The following LHFPL4 variants were observed in gnomAD, a reference collection of about 807,000 sequenced individuals.
LHFPL4 encodes the protein LHFPL tetraspan subfamily member 4.
In LHFPL4, 6 loss-of-function variants were observed where a neutral mutation model predicts 20.0. The observed-to-expected ratio is 0.30, with a 90% CI of 0.16 to 0.59. The LOEUF is 0.59. LHFPL4 is among the 20% of genes least tolerant of loss of function. LHFPL4 has a pLI of 0.88. For missense variants in LHFPL4, 215 were observed against 331.2 expected (o/e 0.65, Z 2.72); for synonymous variants, 129 against 143.8 (o/e 0.90, Z 0.74).
chr3:9,521,779 T>A (rs193018646), intron 2 of LHFPL4, among the ~76,000 whole-genome samples: 1 of 152,154 alleles, frequency 6.6e-6, no homozygotes, highest in Non-Finnish European at 1.5e-5. Flanking sequence ...TGTGTCTTTA[T>A]ATTTAAGTGG....
intron 2 of LHFPL4, among the ~76,000 whole-genome samples, chr3:9,508,418 G>T (rs2046234567): frequency 6.6e-6 from 1 of 152,222 alleles, no homozygotes; most frequent in South Asian, 2.1e-4. Flanking sequence ...TGGGAAAAGA[G>T]TTGCAGCCAA....
chr3:9,536,103 G>T (rs1036809028), intron 2 of LHFPL4, among the ~76,000 whole-genome samples: 2 of 152,170 alleles, frequency 1.3e-5, no homozygotes, highest in African/African-American at 2.4e-5. Flanking sequence ...GGCCAGGGGG[G>T]CCACAGCTTT....
chr3:9,538,995 T>A (rs2936482), intron 2 of LHFPL4, among the ~76,000 whole-genome samples: 4 of 152,020 alleles, frequency 2.6e-5, no homozygotes, highest in African/African-American at 9.7e-5. Flanking sequence ...CCACCACACC[T>A]GGCCCAAATT....
At chr3:9,528,858 G>C (rs1296192400) in intron 2 of LHFPL4, among the ~76,000 whole-genome samples, 1 of 151,144 alleles carries the variant, frequency 6.6e-6, no homozygotes, top group African/African-American at 2.4e-5. Context: ...CAGGTGATCT[G>C]CTCACCTTGA....
chr3:9,523,238 C>T (rs569367525), intron 2 of LHFPL4, among the ~76,000 whole-genome samples: 10 of 146,606 alleles, frequency 6.8e-5, no homozygotes, highest in South Asian at 6.6e-4. Flanking sequence ...AAAAATTAGC[C>T]GGGCGTGGTG....
chr3:9,514,764 T>C (rs2046287098), intron 2 of LHFPL4, among the ~76,000 whole-genome samples: 1 of 152,238 alleles, frequency 6.6e-6, no homozygotes, highest in African/African-American at 2.4e-5. Flanking sequence ...ATACTGTATG[T>C]AGCCTTTTCA....
chr3:9,520,424 G>A (rs898460563), intron 2 of LHFPL4, among the ~76,000 whole-genome samples: 1 of 152,158 alleles, frequency 6.6e-6, no homozygotes, highest in South Asian at 2.1e-4. Flanking sequence ...TGCAATCTCG[G>A]CTCACTACAA....
chr3:9,538,993 C>T (rs1008349551), intron 2 of LHFPL4, among the ~76,000 whole-genome samples: 5 of 152,126 alleles, frequency 3.3e-5, no homozygotes, highest in African/African-American at 7.2e-5. Flanking sequence ...AGCCACCACA[C>T]CTGGCCCAAA....
At chr3:9,529,321 C>A (rs533538119) in intron 2 of LHFPL4, among the ~76,000 whole-genome samples, 1 of 152,290 alleles carries the variant, frequency 6.6e-6, no homozygotes, top group South Asian at 2.1e-4. Flanking sequence ...GCCACCGCGC[C>A]CGGCCATGAA....
chr3:9,538,100 C>A (rs905181968), intron 2 of LHFPL4, among the ~76,000 whole-genome samples: 18 of 152,140 alleles, frequency 1.2e-4, no homozygotes, highest in African/African-American at 3.4e-4. Flanking sequence ...AACCAACACA[C>A]CCATTGGTCT....
At chr3:9,544,764 G>A (rs1174214927) in intron 2 of LHFPL4, among the ~76,000 whole-genome samples, 4 of 152,150 alleles carry the variant, frequency 2.6e-5, no homozygotes, top group Non-Finnish European at 1.5e-5. Context: ...AGAGTCCCCA[G>A]ATACAGCTAC....
At chr3:9,512,528 A>G (rs976831928) in intron 2 of LHFPL4, among the ~76,000 whole-genome samples, 47 of 152,186 alleles carry the variant, frequency 3.1e-4, no homozygotes, top group African/African-American at 1.1e-3. Context: ...CATGACAGAG[A>G]CAAATATCTT....
rs1461235662 is a variant in LHFPL4 at position 9,502,204 on chromosome 3, T to C, written c.*7A>G. On this transcript the variant is annotated 3_prime_UTR_variant, in exon 4 of 4. Transcript: ENST00000287585. ...CAGGCCAATTACTGGGCTGTGATCC[T>C]GGCCTTTCAGGGTCCCTGTGAGTGA... The C allele has an allele frequency of 6.2e-7, 1 of 1,609,242 alleles. No individual in the cohort carries two copies. The highest frequency in any genetic ancestry group is 1.3e-5 in the African/African-American group (1 of 74,782).
chr3:9,499,616 C>T lies in LHFPL4; in HGVS notation c.*2595G>A, dbSNP rs2046156415. On this transcript the variant is annotated 3_prime_UTR_variant, in exon 4 of 4. Transcript: ENST00000287585. The stretch of plus-strand genomic sequence containing the variant: ...AAGTCAGCTGGACCCACTACGTCCT[C>T]TGAAGTGGCTTCCTTCACTCCAGTT... The T allele has an allele frequency of 6.6e-6, 1 of 152,526 alleles. No homozygotes were observed. Among genetic ancestry groups the T allele is most frequent in the Non-Finnish European group, 1.5e-5 (1 of 68,254 alleles). The allele number at this position is 152,526 out of a possible 1,614,324, so 9.4% of individuals were successfully genotyped here.
At chr3:9,510,462 G>A (rs1026385395) in intron 2 of LHFPL4, among the ~76,000 whole-genome samples, 2 of 148,710 alleles carry the variant, frequency 1.3e-5, no homozygotes, top group Non-Finnish European at 3.0e-5. Context: ...AGGCCCTAAT[G>A]TAGGGGATTA....
At chr3:9,534,595 C>T (rs1181926038) in intron 2 of LHFPL4, among the ~76,000 whole-genome samples, 1 of 152,178 alleles carries the variant, frequency 6.6e-6, no homozygotes, top group East Asian at 1.9e-4. Context: ...GCTGGAGGAG[C>T]AGATTTTTCT....
chr3:9,541,485 T>C (rs2046475852), intron 2 of LHFPL4, among the ~76,000 whole-genome samples: 1 of 152,066 alleles, frequency 6.6e-6, no homozygotes, highest in Non-Finnish European at 1.5e-5. Context: ...TCAAAGTGGA[T>C]CAAAGGCTGG....
intron 2 of LHFPL4, among the ~76,000 whole-genome samples, chr3:9,512,474 G>A (rs2046267583): frequency 6.6e-6 from 1 of 152,200 alleles, no homozygotes; most frequent in African/African-American, 2.4e-5. Flanking sequence ...TGTTAACAAT[G>A]GCTGCCTGGG....
At chr3:9,522,372 T>C (rs2046343701) in intron 2 of LHFPL4, among the ~76,000 whole-genome samples, 1 of 152,192 alleles carries the variant, frequency 6.6e-6, no homozygotes, top group South Asian at 2.1e-4. Flanking sequence ...AGCGTGCGTG[T>C]GTGTATGTGT....
Sources: allele counts gnomAD v4.1 joint callset (sites outside exome capture counted in the v4.1 genomes callset), GRCh38; gene constraint gnomAD v4.1.1; transcripts MANE v1.5; gene names NCBI Gene and HGNC (gene_info 2026-07-23, HGNC 2026-07-21).